The following CTNNA3 variants were observed in gnomAD, a reference collection of about 807,000 sequenced individuals.
CTNNA3 encodes catenin alpha-3.
A neutral mutation model predicts 95.7 loss-of-function variants in CTNNA3; 76 were observed. The observed-to-expected ratio is 0.79, with a 90% CI of 0.66 to 0.96. The LOEUF (loss-of-function observed/expected upper bound fraction) is 0.96. Among genes scored for constraint, CTNNA3 ranks in the 40% least tolerant of loss-of-function variants. The pLI is 0.00. For missense variants in CTNNA3, 1,191 were observed against 1,089.8 expected, an observed-to-expected ratio of 1.09 and a Z score of -1.31; for synonymous variants, 431 against 374.4, an observed-to-expected ratio of 1.15 and a Z score of -1.74.
At chr10:65,964,846 A>G (rs1225721278) in intron 17 of CTNNA3, among the ~76,000 whole-genome samples, 1 of 152,206 alleles carries the variant, frequency 6.6e-6, no homozygotes, top group Non-Finnish European at 1.5e-5. Context: ...AATATACAGT[A>G]GTTAAAAATA....
chr10:66,391,059 A>G (rs1180698581), intron 11 of CTNNA3, among the ~76,000 whole-genome samples: 2 of 150,234 alleles, frequency 1.3e-5, no homozygotes, highest in African/African-American at 5.0e-5. Context: ...CGCCCAATAC[A>G]ATAGTCAAAA....
At chr10:66,419,582 A>G (rs2093174883) in intron 11 of CTNNA3, among the ~76,000 whole-genome samples, 1 of 152,160 alleles carries the variant, frequency 6.6e-6, no homozygotes, top group Non-Finnish European at 1.5e-5. Context: ...GAATATCCAA[A>G]GCAATCCTGA....
intron 7 of CTNNA3, among the ~76,000 whole-genome samples, chr10:67,082,325 G>A (rs1397956540): frequency 6.6e-6 from 1 of 152,150 alleles, no homozygotes. Context: ...AGTCATAAGT[G>A]CTAGATTTAT....
chr10:67,663,617 C>G lies in CTNNA3; in HGVS notation c.-5-16099G>C, dbSNP rs1286022715. 3.3e-5 allele frequency among the ~76,000 whole-genome samples: 5 copies of G among 152,110 alleles called. No individual in the cohort carries two copies. In the East Asian group the frequency reaches 9.6e-4, roughly 29 times the overall value. On this transcript the variant is annotated intron_variant, in intron 1 of 17. Coordinates refer to ENST00000433211, the MANE Select transcript of CTNNA3 (RefSeq NM_013266.4). ...GACTTGGGCAGGACGTCAGAGGACT[C>G]GGACACCAGCTTCCCATCGCGGGTC...
intron 7 of CTNNA3, among the ~76,000 whole-genome samples, chr10:66,844,935 T>C (rs1276944205): frequency 1.3e-5 from 2 of 150,238 alleles, no homozygotes; most frequent in Non-Finnish European, 3.0e-5. Context: ...AGGAAGAACA[T>C]GTTGGGTGGT....
At chr10:67,748,415 G>T (rs886293149) in intron 1 of CTNNA3, among the ~76,000 whole-genome samples, 1 of 152,120 alleles carries the variant, frequency 6.6e-6, no homozygotes, top group Admixed American at 6.5e-5. Context: ...CTCAGCAGAA[G>T]CCCTACAAGC....
chr10:66,158,095 T>C (rs1436968836), intron 13 of CTNNA3, among the ~76,000 whole-genome samples: 2 of 152,160 alleles, frequency 1.3e-5, no homozygotes, highest in Non-Finnish European at 2.9e-5. Context: ...GTGAAGATTT[T>C]CTCCCACTCT....
Position 66,510,249 on chromosome 10 carries a change from T to C in CTNNA3, c.1531+10368A>G, listed in dbSNP as rs149738000. On this transcript the variant is annotated intron_variant, in intron 11 of 17. Transcript: ENST00000433211. Reference sequence around the variant, plus strand: ...TTTTGTATGTTGATTTTTTTTATCCTGAAATTTTAATGAATTCATTTGCCA... The same window carrying C: ...TTTTGTATGTTGATTTTTTTTATCCCGAAATTTTAATGAATTCATTTGCCA... 1.0e-3 allele frequency among the ~76,000 whole-genome samples: 153 copies of C among 152,092 alleles called. 1 individual carries two copies. The highest frequency in any genetic ancestry group is 3.6e-3 in the African/African-American group (151 of 41,564).
intron 1 of CTNNA3, among the ~76,000 whole-genome samples, chr10:67,690,511 GT>G (rs1331081534): frequency 6.6e-6 from 1 of 152,082 alleles, no homozygotes. Context: ...GACTGGTTCT[GT>G]TTTTACAGAG....
At chr10:66,891,461 T>C (rs1845266885) in intron 7 of CTNNA3, among the ~76,000 whole-genome samples, 1 of 152,174 alleles carries the variant, frequency 6.6e-6, no homozygotes, top group South Asian at 2.1e-4. Context: ...ATATTTTGAT[T>C]ATATCATTCA....
intron 5 of CTNNA3, among the ~76,000 whole-genome samples, chr10:67,456,379 T>G (rs192858792): frequency 2.0e-5 from 3 of 152,302 alleles, no homozygotes; most frequent in Admixed American, 2.0e-4. Flanking sequence ...ATAGCAATAT[T>G]TCTAGAATAA....
At chr10:66,989,223 A>G (rs1323184783) in intron 7 of CTNNA3, among the ~76,000 whole-genome samples, 1 of 152,082 alleles carries the variant, frequency 6.6e-6, no homozygotes, top group African/African-American at 2.4e-5. Context: ...ACTGTAGCAG[A>G]GGGCCCTCCT....
intron 7 of CTNNA3, among the ~76,000 whole-genome samples, chr10:66,881,918 A>G (rs1424813292): frequency 6.6e-6 from 1 of 152,086 alleles, no homozygotes; most frequent in Non-Finnish European, 1.5e-5. Flanking sequence ...ACTGCAAACT[A>G]AATTTTATAC....
At chr10:67,212,802 G>C (rs970480607) in intron 6 of CTNNA3, among the ~76,000 whole-genome samples, 1 of 151,746 alleles carries the variant, frequency 6.6e-6, no homozygotes, top group African/African-American at 2.4e-5. Flanking sequence ...ATTCAACTTT[G>C]TCATAATGAC....
At chr10:67,280,881 A>G (rs1839372012) in intron 5 of CTNNA3, among the ~76,000 whole-genome samples, 1 of 151,652 alleles carries the variant, frequency 6.6e-6, no homozygotes, top group Admixed American at 6.6e-5. Context: ...TATCTGTGGG[A>G]CTCTCATACC....
chr10:67,230,728 A>G (rs1004069928), intron 5 of CTNNA3, among the ~76,000 whole-genome samples: 1 of 152,194 alleles, frequency 6.6e-6, no homozygotes, highest in Non-Finnish European at 1.5e-5. Flanking sequence ...AGCGACGCAG[A>G]AGACAGGTGA....
intron 7 of CTNNA3, among the ~76,000 whole-genome samples, chr10:66,904,594 GA>G (rs1845903520): frequency 6.6e-6 from 1 of 151,922 alleles, no homozygotes; most frequent in South Asian, 2.1e-4. Flanking sequence ...TACAGAATGG[GA>G]GAAAAATTTT....
chr10:66,632,134 A>G (rs1845158750), intron 9 of CTNNA3, among the ~76,000 whole-genome samples: 1 of 152,180 alleles, frequency 6.6e-6, no homozygotes, highest in Admixed American at 6.5e-5. Context: ...AAAACTCAGT[A>G]TTGCAAAATA....
intron 7 of CTNNA3, among the ~76,000 whole-genome samples, chr10:66,789,169 T>TG (rs60922103): frequency 3.9e-5 from 6 of 151,924 alleles, no homozygotes; most frequent in Non-Finnish European, 8.8e-5. Context: ...ACCTTTTTTT[T>TG]GTTTATTTGT....
Sources: allele counts gnomAD v4.1 joint callset (sites outside exome capture counted in the v4.1 genomes callset), GRCh38; gene constraint gnomAD v4.1.1; transcripts MANE v1.5; gene names NCBI Gene and HGNC (gene_info 2026-07-23, HGNC 2026-07-21).